GPD2: variants seen among roughly 807,000 people sequenced by gnomAD.
GPD2 encodes the protein glycerol-3-phosphate dehydrogenase 2.
A neutral mutation model predicts 82.4 loss-of-function variants in GPD2; 54 were observed. The observed-to-expected ratio is 0.66, with a 90% CI of 0.53 to 0.82. The LOEUF is 0.82. Among genes scored for constraint, GPD2 ranks in the 40% least tolerant of loss-of-function variants. The pLI, the probability that GPD2 is intolerant of heterozygous loss-of-function variation, is 0.00. For missense variants in GPD2, 748 were observed against 896.2 expected, an observed-to-expected ratio of 0.83 and a Z score of 2.11; for synonymous variants, 288 against 306.1, an observed-to-expected ratio of 0.94 and a Z score of 0.62.
chr2:156,439,970 T>A (rs181652193), intron 1 of GPD2, among the ~76,000 whole-genome samples: 80 of 152,260 alleles, frequency 5.3e-4, no homozygotes, highest in Admixed American at 2.2e-3. Flanking sequence ...AAATTATTAG[T>A]CATCAGGGTT....
chr2:156,488,683 C>G (rs533697064), intron 2 of GPD2, among the ~76,000 whole-genome samples: 7 of 151,922 alleles, frequency 4.6e-5, no homozygotes, highest in South Asian at 2.1e-4. Context: ...CATTCTGAAT[C>G]CTGTTCAGGG....
chr2:156,474,747 C>CATT (rs1394234293), intron 1 of GPD2, among the ~76,000 whole-genome samples: 1 of 151,896 alleles, frequency 6.6e-6, no homozygotes, highest in Non-Finnish European at 1.5e-5. Context: ...TAGAAAATTC[C>CATT]ATTATCAGTC....
At chr2:156,413,544 A>G in the GPD2 span, among the ~76,000 whole-genome samples, 1 of 151,504 alleles carries the variant, frequency 6.6e-6, no homozygotes, top group African/African-American at 2.4e-5. Context: ...AGATCATGCC[A>G]CTGGACTCCA....
chr2:156,480,106 T>C (rs936045389), intron 2 of GPD2, among the ~76,000 whole-genome samples: 19 of 152,236 alleles, frequency 1.2e-4, no homozygotes, highest in Non-Finnish European at 8.8e-5. Context: ...TTATCCAGTC[T>C]AAGGTCTACT....
At chr2:156,468,599 G>C (rs965788711) in intron 1 of GPD2, among the ~76,000 whole-genome samples, 16 of 152,200 alleles carry the variant, frequency 1.1e-4, no homozygotes, top group African/African-American at 3.9e-4. Flanking sequence ...ACATCTTGGG[G>C]TTTTTATTTA....
chr2:156,489,750 CGCT>C, intron 2 of GPD2, among the ~76,000 whole-genome samples: 1 of 86,180 alleles, frequency 1.2e-5, no homozygotes, highest in African/African-American at 4.6e-5. Flanking sequence ...CTCCCTCCCT[CGCT>C]CCCTTCTCTT....
chr2:156,541,266 G>C (rs1263224685), intron 6 of GPD2, among the ~76,000 whole-genome samples: 1 of 152,198 alleles, frequency 6.6e-6, no homozygotes, highest in African/African-American at 2.4e-5. Context: ...TAACTTAAGA[G>C]AGAAAATAAG....
chr2:156,527,431 C>G (rs1282948867), intron 6 of GPD2, among the ~76,000 whole-genome samples: 2 of 151,978 alleles, frequency 1.3e-5, no homozygotes, highest in African/African-American at 4.8e-5. Flanking sequence ...ATTAGTAAAA[C>G]CCTCTGTAGA....
At chr2:156,414,268 T>C in the GPD2 span, among the ~76,000 whole-genome samples, 1 of 152,238 alleles carries the variant, frequency 6.6e-6, no homozygotes, top group Non-Finnish European at 1.5e-5. Flanking sequence ...GAATTGATGT[T>C]TTAAAGCAGA....
At chr2:156,461,232 G>A (rs2105175571) in intron 1 of GPD2, among the ~76,000 whole-genome samples, 1 of 148,086 alleles carries the variant, frequency 6.8e-6, no homozygotes, top group South Asian at 2.1e-4. Context: ...GCAGTGGTGG[G>A]ATCTCAGCTC....
chr2:156,442,737 T>A (rs376918924), intron 1 of GPD2, among the ~76,000 whole-genome samples: 4 of 152,132 alleles, frequency 2.6e-5, no homozygotes, highest in Non-Finnish European at 4.4e-5. Flanking sequence ...AGGCCGAGGC[T>A]GCAGTGAGCC....
chr2:156,581,712 T>C (rs1240878549), intron 16 of GPD2, among the ~76,000 whole-genome samples: 2 of 152,128 alleles, frequency 1.3e-5, no homozygotes, highest in Non-Finnish European at 2.9e-5. Flanking sequence ...TATGACTTTA[T>C]TTCTAAGTCT....
At chr2:156,568,718 G>A in intron 9 of GPD2, 107 bp from the exon 10 acceptor site, 2 of 921,338 alleles carry the variant, frequency 2.2e-6, no homozygotes, top group Non-Finnish European at 1.8e-6. Flanking sequence ...TTTTTAAAGT[G>A]CACACATGTG....
chr2:156,513,312 TC>T lies in GPD2; in HGVS notation c.498-15del. The stretch of plus-strand genomic sequence containing the variant: ...GCTATACTCTGTTTCTGAAGAACTT[TC>T]CCCCCTATTTATGCTGTAGGTGGTG... On this transcript the variant is annotated intron_variant, in intron 5 of 16. Transcript: ENST00000438166. The T allele has an allele frequency of 3.8e-6, 6 of 1,565,756 alleles. No individual in the cohort carries two copies. The highest frequency in any genetic ancestry group is 1.1e-5 in the South Asian group (1 of 90,064).
At chr2:156,412,922 C>G in the GPD2 span, among the ~76,000 whole-genome samples, 1 of 151,446 alleles carries the variant, frequency 6.6e-6, no homozygotes, top group African/African-American at 2.4e-5. Flanking sequence ...CATAGTGAAA[C>G]CCCTTCTCTA....
At chr2:156,429,212 T>C in the GPD2 span, among the ~76,000 whole-genome samples, 1 of 152,256 alleles carries the variant, frequency 6.6e-6, no homozygotes, top group African/African-American at 2.4e-5. Context: ...ACTGAACAAA[T>C]CTCCAGTTTC....
chr2:156,561,723 C>T (rs1193313759), intron 9 of GPD2, among the ~76,000 whole-genome samples: 1 of 152,152 alleles, frequency 6.6e-6, no homozygotes, highest in Admixed American at 6.5e-5. Context: ...TTGAAATAAT[C>T]ATTCTAAAAG....
At chr2:156,502,942 C>G (rs774583946) in intron 3 of GPD2, among the ~76,000 whole-genome samples, 1 of 151,070 alleles carries the variant, frequency 6.6e-6, no homozygotes, top group Non-Finnish European at 1.5e-5. Context: ...TCCCCCTTTT[C>G]TGCCCTTATT....
At chr2:156,575,196 C>T (rs761905328) in intron 13 of GPD2, among the ~76,000 whole-genome samples, 2 of 151,972 alleles carry the variant, frequency 1.3e-5, no homozygotes, top group East Asian at 3.9e-4. Context: ...AAATGTAATA[C>T]CAAATTTCAA....
Sources: allele counts gnomAD v4.1 joint callset (sites outside exome capture counted in the v4.1 genomes callset), GRCh38; gene constraint gnomAD v4.1.1; transcripts MANE v1.5; gene names NCBI Gene and HGNC (gene_info 2026-07-23, HGNC 2026-07-21).